The following DAPK2 variants were observed in gnomAD, a reference collection of about 807,000 sequenced individuals.
DAPK2 encodes death associated protein kinase 2.
In DAPK2, 35 loss-of-function variants were observed where a neutral mutation model predicts 44.1. The ratio of observed to expected loss-of-function variants is 0.79; its 90% CI spans 0.61 to 1.05. The LOEUF is 1.05. Among genes scored for constraint, DAPK2 ranks in the 50% least tolerant of loss-of-function variants. The pLI, the probability that DAPK2 is intolerant of heterozygous loss-of-function variation, is 0.00. For synonymous variants in DAPK2, 174 were observed against 182.6 expected (o/e 0.95, Z 0.38); for missense variants, 453 against 483.2 (o/e 0.94, Z 0.59).
At chr15:63,965,390 T>C (rs1263376334) in intron 3 of DAPK2, among the ~76,000 whole-genome samples, 1 of 152,170 alleles carries the variant, frequency 6.6e-6, no homozygotes, top group Non-Finnish European at 1.5e-5. Context: ...ACCACTGGGA[T>C]TGTGCTGGGT....
intron 1 of DAPK2, among the ~76,000 whole-genome samples, chr15:64,033,312 G>GGAAGGAAA (rs2080080795): frequency 7.1e-6 from 1 of 141,676 alleles, no homozygotes; most frequent in African/African-American, 2.5e-5. Context: ...AAGGAAGGAA[G>GGAAGGAAA]GAAGGAAGGA....
chr15:63,914,358 A>C (rs1287725633), intron 8 of DAPK2, among the ~76,000 whole-genome samples: 1 of 152,192 alleles, frequency 6.6e-6, no homozygotes, highest in Non-Finnish European at 1.5e-5. Flanking sequence ...GTACAGAAGG[A>C]AAGAGAGGAG....
Position 63,939,378 on chromosome 15 carries a change from A to AT in DAPK2, c.454-18_454-17insA. 18 of 1,546,612 alleles carry AT rather than the reference A, an allele frequency of 1.2e-5. No individual in the cohort carries two copies. The highest frequency in any genetic ancestry group is 4.5e-5 in the East Asian group (2 of 44,288). On this transcript the variant is annotated splice_polypyrimidine_tract_variant and intron_variant, in intron 3 of 10. Coordinates refer to ENST00000261891, the Ensembl canonical transcript of DAPK2. This position sits in a 1 kb window ranked among gnomAD's most constrained non-coding sequence, Gnocchi z 4.3. ...GTTTTCTGGCTGGACAACAAAAAGT[A>AT]GAAAAAAAAAAAAGGAAGGAAGAAA...
At position 63,923,669 on chromosome 15, in the gene DAPK2, G is replaced by A. The variant is rs901164432; in HGVS notation, c.858+1147C>T. On this transcript the variant is annotated intron_variant, in intron 8 of 10. Coordinates refer to ENST00000261891, the Ensembl canonical transcript of DAPK2. The surrounding 1 kb of genome is among the most constrained non-coding windows in gnomAD (Gnocchi z 4.2). ...AGGCATCTGCGCAGGGCTGGAGCACGCAAGGCCAGGGCTCACGCAGCAGGG... is the reference window on the plus strand; with the variant it reads ...AGGCATCTGCGCAGGGCTGGAGCACACAAGGCCAGGGCTCACGCAGCAGGG... Among the ~76,000 whole-genome samples the A allele has an allele frequency of 2.0e-5, 3 of 152,214 alleles. No individual in the cohort carries two copies. The highest frequency in any genetic ancestry group is 4.4e-5 in the Non-Finnish European group (3 of 68,038).
intron 1 of DAPK2, among the ~76,000 whole-genome samples, chr15:64,033,513 C>T (rs991431824): frequency 2.0e-5 from 3 of 152,178 alleles, no homozygotes; most frequent in Non-Finnish European, 2.9e-5. Context: ...CAACAGATTT[C>T]GTTAAGTGAG....
At position 64,004,376 on chromosome 15, in the gene DAPK2, ATC is replaced by A. The variant is rs538705826; in HGVS notation, c.93-20624_93-20623del. ...CATCAGGAGGCGCCTAACGTTGGCT[ATC>A]TCTCTTTGTGATATTACCAGCTTCT... is the stretch of plus-strand genomic sequence containing the variant. On this transcript the variant is annotated intron_variant, in intron 1 of 10. Transcript: ENST00000261891. Among the ~76,000 whole-genome samples the A allele has an allele frequency of 1.3e-3, 198 of 152,216 alleles. 1 individual carries two copies. Among genetic ancestry groups the A allele is most frequent in the African/African-American group, 4.3e-3 (179 of 41,528 alleles).
At chr15:63,969,425 A>T (rs1348523470) in intron 3 of DAPK2, among the ~76,000 whole-genome samples, 1 of 150,792 alleles carries the variant, frequency 6.6e-6, no homozygotes, top group African/African-American at 2.4e-5. Flanking sequence ...GTCCCCCCCA[A>T]AAAGAAACAC....
intron 3 of DAPK2, among the ~76,000 whole-genome samples, chr15:63,960,043 G>C (rs1309375015): frequency 6.6e-6 from 1 of 152,168 alleles, no homozygotes; most frequent in Non-Finnish European, 1.5e-5. Context: ...CCTGTTATTG[G>C]TCTATTCAGG....
chr15:63,976,181 CT>C (rs2078341094), intron 2 of DAPK2, among the ~76,000 whole-genome samples: 2 of 152,186 alleles, frequency 1.3e-5, no homozygotes, highest in Admixed American at 1.3e-4. Flanking sequence ...ATCAACAGAA[CT>C]TTCTGCAATG....
rs1443995297 is a variant in DAPK2, at chr15:63,939,929, G to T, written c.454-568C>A. Among the ~76,000 whole-genome samples, 5 of 152,186 alleles carry T rather than the reference G, an allele frequency of 3.3e-5. No homozygotes were observed. Among genetic ancestry groups the T allele is most frequent in the Non-Finnish European group, 5.9e-5 (4 of 68,048 alleles). ...TGCGTTTAACTAATTTTGGTCCTCA[G>T]CAGGACACAGGAAAAATGCACCCGA... is the stretch of plus-strand genomic sequence containing the variant. On this transcript the variant is annotated intron_variant, in intron 3 of 10. Transcript: ENST00000261891. This position sits in a 1 kb window ranked among gnomAD's most constrained non-coding sequence, Gnocchi z 4.3.
intron 8 of DAPK2, 137 bp downstream of exon 9, chr15:63,924,679 C>T (rs2140327852): frequency 1.1e-6 from 1 of 929,572 alleles, no homozygotes; most frequent in East Asian, 2.5e-5. Context: ...GGGCCCCTGG[C>T]TAGCTTTCAT....
upstream of DAPK2, among the ~76,000 whole-genome samples, chr15:64,042,861 C>G (rs929826110): frequency 6.6e-6 from 1 of 152,210 alleles, no homozygotes; most frequent in Non-Finnish European, 1.5e-5. This position sits in a 1 kb window ranked among gnomAD's most constrained non-coding sequence, Gnocchi z 4.7. Context: ...CAGCCAAATG[C>G]TACCGTCTCT....
intron 1 of DAPK2, among the ~76,000 whole-genome samples, chr15:64,003,908 C>T (rs2079161287): frequency 6.6e-6 from 1 of 152,218 alleles, no homozygotes. Context: ...CCTGGCCTAT[C>T]ACACCTTTTA....
intron 1 of DAPK2, among the ~76,000 whole-genome samples, chr15:64,008,509 G>A (rs1428670951): frequency 6.6e-6 from 1 of 152,168 alleles, no homozygotes; most frequent in Non-Finnish European, 1.5e-5. Context: ...AAAGAACATA[G>A]TTTCATAGAC....
intron 1 of DAPK2, among the ~76,000 whole-genome samples, chr15:64,019,100 C>T (rs1480534147): frequency 6.6e-6 from 1 of 152,184 alleles, no homozygotes; most frequent in Non-Finnish European, 1.5e-5. Context: ...ATCCCCACCC[C>T]AACATTCCAA....
intron 1 of DAPK2, among the ~76,000 whole-genome samples, chr15:63,998,014 G>C (rs929413314): frequency 5.9e-5 from 9 of 152,172 alleles, no homozygotes; most frequent in African/African-American, 2.2e-4. Context: ...TGGTGCTCTG[G>C]GCTTCAGTTT....
chr15:63,929,557 T>C, exon 6 of DAPK2: 1 of 1,614,150 alleles, frequency 6.2e-7, no homozygotes, highest in Non-Finnish European at 8.5e-7. Context: ...TCACAGGATG[T>C]AGGTGATGAC....
chr15:63,990,464 C>G lies in DAPK2; in HGVS notation c.93-6710G>C, dbSNP rs532782233. ...AGAAAGGTCCATGGATTGAGTGGGT[C>G]TACCTCATTCCCTCTCTTAGTCGAC... On this transcript the variant is annotated intron_variant, in intron 1 of 10. Transcript: ENST00000261891. The surrounding 1 kb of genome is among the most constrained non-coding windows in gnomAD (Gnocchi z 4.3). Among the ~76,000 whole-genome samples, 193 of 149,904 alleles carry G rather than the reference C, an allele frequency of 1.3e-3. 2 individuals carry two copies. In the South Asian group the frequency reaches 0.03, roughly 23 times the overall value.
chr15:64,030,637 C>T (rs2079984459), intron 1 of DAPK2, among the ~76,000 whole-genome samples: 1 of 152,104 alleles, frequency 6.6e-6, no homozygotes, highest in African/African-American at 2.4e-5. Flanking sequence ...CCTACCCCTA[C>T]TCGCCCTCAA....
Sources: allele counts gnomAD v4.1 joint callset (sites outside exome capture counted in the v4.1 genomes callset), GRCh38; gene constraint gnomAD v4.1.1; non-coding constraint Gnocchi (gnomAD v3.1); transcripts MANE v1.5; gene names NCBI Gene and HGNC (gene_info 2026-07-23, HGNC 2026-07-21).